MGST1: variants seen among roughly 807,000 people sequenced by gnomAD.
MGST1 encodes microsomal glutathione S-transferase 1.
Under a neutral mutation model 8.9 loss-of-function variants are expected in MGST1, and 5 were observed. The observed-to-expected ratio is 0.56, with a 90% CI of 0.29 to 1.19. The LOEUF is 1.19. MGST1 is among the 50% of genes most tolerant of loss of function. The pLI, the probability that MGST1 is intolerant of heterozygous loss-of-function variation, is 0.08. For synonymous variants in MGST1, 54 were observed against 67.8 expected (o/e 0.80, Z 1.00); for missense variants, 182 against 187.4 (o/e 0.97, Z 0.17).
At chr12:16,489,246 T>C (rs1246139855) in intron 4 of MGST1, among the ~76,000 whole-genome samples, 1 of 152,162 alleles carries the variant, frequency 6.6e-6, no homozygotes, top group Non-Finnish European at 1.5e-5. Context: ...CCAATTCATT[T>C]TTTCCTTTCA....
At chr12:16,446,020 A>G (rs543370739) in intron 4 of MGST1, among the ~76,000 whole-genome samples, 8 of 152,060 alleles carry the variant, frequency 5.3e-5, no homozygotes, top group Admixed American at 3.9e-4. Flanking sequence ...AAAACCAATT[A>G]CACATTTGGG....
chr12:16,572,740 C>T (rs886291214), intron 4 of MGST1, among the ~76,000 whole-genome samples: 8 of 149,154 alleles, frequency 5.4e-5, no homozygotes, highest in Middle Eastern at 3.5e-3. Flanking sequence ...ATATAATGCT[C>T]TGCTCACTGT....
chr12:16,481,850 T>G (rs1415723368), intron 4 of MGST1, among the ~76,000 whole-genome samples: 1 of 152,100 alleles, frequency 6.6e-6, no homozygotes, highest in Non-Finnish European at 1.5e-5. Context: ...ATACTGAGAA[T>G]TTTTCAGAAT....
At chr12:16,441,627 C>A (rs1004417546), downstream of MGST1, among the ~76,000 whole-genome samples, 2 of 151,736 alleles carry the variant, frequency 1.3e-5, no homozygotes, top group African/African-American at 4.8e-5. Context: ...TAGTAGTATG[C>A]ATTTTAGTGT....
At chr12:16,494,388 T>A (rs1391256403) in intron 4 of MGST1, among the ~76,000 whole-genome samples, 1 of 152,170 alleles carries the variant, frequency 6.6e-6, no homozygotes, top group East Asian at 1.9e-4. Context: ...TGAAAAATTA[T>A]TGCCTTAATT....
intron 4 of MGST1, among the ~76,000 whole-genome samples, chr12:16,496,577 C>T (rs1274960614): frequency 1.3e-5 from 2 of 152,014 alleles, no homozygotes; most frequent in Non-Finnish European, 2.9e-5. Context: ...TCCCGTCACC[C>T]GCAAACTGAG....
intron 4 of MGST1, among the ~76,000 whole-genome samples, chr12:16,473,199 A>T (rs1389043644): frequency 6.6e-6 from 1 of 152,072 alleles, no homozygotes. Context: ...CATTCCCCCC[A>T]TCCCCAGGAT....
At chr12:16,408,325 CAGG>C (rs1247970176) in intron 1 of MGST1, among the ~76,000 whole-genome samples, 1 of 152,142 alleles carries the variant, frequency 6.6e-6, no homozygotes, top group East Asian at 1.9e-4. Flanking sequence ...ATTCCCATGA[CAGG>C]AGTTTACTTA....
intron 4 of MGST1, among the ~76,000 whole-genome samples, chr12:16,481,975 G>C (rs1377836003): frequency 6.6e-6 from 1 of 152,020 alleles, no homozygotes; most frequent in African/African-American, 2.4e-5. Flanking sequence ...GTAAAAGAGA[G>C]CTTAAAAAAG....
At chr12:16,414,570 C>G (rs1940769917) in intron 1 of MGST1, among the ~76,000 whole-genome samples, 1 of 151,786 alleles carries the variant, frequency 6.6e-6, no homozygotes, top group Non-Finnish European at 1.5e-5. Context: ...TGCCCGCCAC[C>G]ATGCCCGGCT....
intron 4 of MGST1, among the ~76,000 whole-genome samples, chr12:16,566,977 T>A (rs183416398): frequency 6.6e-6 from 1 of 152,274 alleles, no homozygotes; most frequent in African/African-American, 2.4e-5. Flanking sequence ...AACTTGGCAC[T>A]TGAGGTCAGG....
rs1940733902 is a variant in MGST1, at chr12:16,410,588, T to C, written n.779-26800T>C. 6.7e-6 allele frequency among the ~76,000 whole-genome samples: 1 copy of C among 148,480 alleles called. No homozygotes were observed. Among genetic ancestry groups the C allele is most frequent in the Non-Finnish European group, 1.5e-5 (1 of 67,338 alleles). ...TGTACGTAATATATATTTTTACACA[T>C]ACATATTAATGTTTATATATTACAT... On this transcript the variant is annotated intron_variant and non_coding_transcript_variant, in intron 1 of 1. Coordinates refer to the MGST1 transcript ENST00000359720. This position sits in a 1 kb window ranked among gnomAD's most constrained non-coding sequence, Gnocchi z 4.4.
At chr12:16,380,057 C>T (rs564960383), downstream of MGST1, among the ~76,000 whole-genome samples, 67 of 152,148 alleles carry the variant, frequency 4.4e-4, no homozygotes, top group South Asian at 5.6e-3. Flanking sequence ...GTCTTGCTAG[C>T]GGTCTATCAA....
intron 1 of MGST1, chr12:16,348,001 C>T (rs866371918): frequency 1.3e-5 from 2 of 152,196 alleles, no homozygotes; most frequent in African/African-American, 4.8e-5. Context: ...AAGTAACCTC[C>T]TGTTTGAAAG....
intron 4 of MGST1, among the ~76,000 whole-genome samples, chr12:16,579,680 C>T (rs528976963): frequency 1.7e-4 from 26 of 152,302 alleles, no homozygotes; most frequent in Admixed American, 1.4e-3. Context: ...CTCAACCCCA[C>T]CTAGCCTACT....
chr12:16,367,195 A>T (rs1049884497), downstream of MGST1: 4 of 152,072 alleles, frequency 2.6e-5, no homozygotes, highest in Non-Finnish European at 4.4e-5. Flanking sequence ...ATGTTGATGG[A>T]TGGGGGTAGG....
At chr12:16,417,783 A>G (rs897546826) in intron 1 of MGST1, among the ~76,000 whole-genome samples, 1 of 152,186 alleles carries the variant, frequency 6.6e-6, no homozygotes, top group African/African-American at 2.4e-5. Context: ...AATGGGCCCT[A>G]GAGTTTCTAC....
At chr12:16,400,971 G>T in intron 1 of MGST1, 1 of 1,425,302 alleles carries the variant, frequency 7.0e-7, no homozygotes, top group Non-Finnish European at 9.9e-7. Flanking sequence ...TCTTCATTGA[G>T]TTGAGCCACT....
chr12:16,551,898 G>A (rs1298285194), intron 4 of MGST1, among the ~76,000 whole-genome samples: 1 of 151,952 alleles, frequency 6.6e-6, no homozygotes. Context: ...TCTAGCATCA[G>A]ATTCTGATGC....
Sources: gnomAD v4.1 joint callset for allele counts (sites outside exome capture counted in the v4.1 genomes callset) on GRCh38, gnomAD v4.1.1 for gene constraint, Gnocchi (gnomAD v3.1) non-coding constraint, MANE v1.5 for transcripts, NCBI Gene and HGNC (gene_info 2026-07-23, HGNC 2026-07-21) for gene names.